TAFA1: variants seen among roughly 807,000 people sequenced by gnomAD.
The protein encoded by TAFA1 is TAFA chemokine like family member 1, also known as chemokine-like protein TAFA-1.
A neutral mutation model predicts 18.5 loss-of-function variants in TAFA1; 4 were observed. The ratio of observed to expected loss-of-function variants is 0.22; its 90% CI spans 0.11 to 0.49. The LOEUF is 0.49. TAFA1 is among the 20% of genes least tolerant of loss of function. TAFA1 has a pLI of 0.98. For missense variants in TAFA1, 147 were observed against 169.0 expected, an observed-to-expected ratio of 0.87 and a Z score of 0.72; for synonymous variants, 56 against 55.2, an observed-to-expected ratio of 1.01 and a Z score of -0.06.
At chr3:68,320,318 A>C (rs536093773) in intron 2 of TAFA1, among the ~76,000 whole-genome samples, 1 of 152,132 alleles carries the variant, frequency 6.6e-6, no homozygotes, top group Admixed American at 6.5e-5. Context: ...CTGAGTCTTC[A>C]TGCTTTCAGA....
intron 2 of TAFA1, among the ~76,000 whole-genome samples, chr3:68,067,992 G>T (rs1022756846): frequency 6.6e-6 from 1 of 152,114 alleles, no homozygotes; most frequent in African/African-American, 2.4e-5. Context: ...GTTACTGTCG[G>T]CCTCCATAAC....
At chr3:68,263,063 T>C (rs1279965434) in intron 2 of TAFA1, among the ~76,000 whole-genome samples, 1 of 152,192 alleles carries the variant, frequency 6.6e-6, no homozygotes, top group Non-Finnish European at 1.5e-5. Flanking sequence ...TACAGGTTTT[T>C]AGAGTATTAC....
At chr3:68,019,252 A>G (rs555150465) in intron 2 of TAFA1, among the ~76,000 whole-genome samples, 2 of 152,182 alleles carry the variant, frequency 1.3e-5, no homozygotes, top group Non-Finnish European at 2.9e-5. Flanking sequence ...TAATTTCCCT[A>G]TGCAAACAGG....
In TAFA1 at chr3:68,076,485, G is replaced by GT. The variant is rs2064826350; in HGVS notation, c.118+69742dup. Among the ~76,000 whole-genome samples, 5 of 109,782 alleles carry GT rather than the reference G, an allele frequency of 4.6e-5. 1 individual carries two copies. The South Asian group carries it at 1.5e-3, about 33-fold the overall frequency. 72.0% of individuals were successfully genotyped at this position (109,782 alleles called of 152,430 possible). A position where few individuals can be genotyped will look rare whatever the true frequency, so the allele number is the denominator to read the frequency against. On this transcript the variant is annotated intron_variant, in intron 2 of 4. Transcript: ENST00000478136. ...CCCCCACCCCCCACCAGTCCCCAGA[G>GT]TGTGATATTCCCCTTCCTGTGTCCA...
At chr3:68,334,054 T>C (rs1441416100) in intron 2 of TAFA1, among the ~76,000 whole-genome samples, 2 of 152,142 alleles carry the variant, frequency 1.3e-5, no homozygotes, top group African/African-American at 4.8e-5. Flanking sequence ...AGTTATAAGA[T>C]GAAAAAGTTC....
intron 2 of TAFA1, among the ~76,000 whole-genome samples, chr3:68,276,848 T>C (rs1399100454): frequency 6.6e-6 from 1 of 152,134 alleles, no homozygotes; most frequent in Non-Finnish European, 1.5e-5. Flanking sequence ...TTAAAATCTG[T>C]AGAATAACAC....
chr3:68,302,055 T>G (rs1403481373), intron 2 of TAFA1, among the ~76,000 whole-genome samples: 1 of 152,214 alleles, frequency 6.6e-6, no homozygotes, highest in African/African-American at 2.4e-5. Context: ...TTTGATAAAA[T>G]GATGAAATAT....
chr3:68,299,175 G>C (rs1371915206), intron 2 of TAFA1, among the ~76,000 whole-genome samples: 2 of 152,220 alleles, frequency 1.3e-5, no homozygotes, highest in African/African-American at 4.8e-5. Context: ...TTCCCACTCA[G>C]AGAATGCCTT....
At chr3:68,055,241 G>A (rs979011480) in intron 2 of TAFA1, among the ~76,000 whole-genome samples, 1 of 152,172 alleles carries the variant, frequency 6.6e-6, no homozygotes, top group Admixed American at 6.6e-5. Flanking sequence ...GGGCTGAGGA[G>A]CAGAGGAATT....
chr3:68,344,292 T>A (rs262214), intron 2 of TAFA1, among the ~76,000 whole-genome samples: 66,982 of 152,070 alleles, frequency 0.44, 15,079 homozygotes, highest in South Asian at 0.6. Flanking sequence ...AAATATTAAG[T>A]GTTTTGGGGG....
chr3:68,074,496 T>C (rs1197682779), intron 2 of TAFA1, among the ~76,000 whole-genome samples: 1 of 152,066 alleles, frequency 6.6e-6, no homozygotes, highest in Non-Finnish European at 1.5e-5. Flanking sequence ...CTTCTTGAAG[T>C]CTCAATTTCC....
intron 2 of TAFA1, among the ~76,000 whole-genome samples, chr3:68,081,983 C>A (rs529044897): frequency 6.6e-6 from 1 of 152,320 alleles, no homozygotes; most frequent in East Asian, 1.9e-4. Context: ...GGCGTAGGAC[C>A]CTCTGAGCCA....
At chr3:68,033,393 A>G (rs946829695) in intron 2 of TAFA1, among the ~76,000 whole-genome samples, 1 of 152,172 alleles carries the variant, frequency 6.6e-6, no homozygotes, top group Admixed American at 6.6e-5. Flanking sequence ...ATCCTTTAGG[A>G]GCATTGGATT....
At chr3:68,497,817 G>C (rs2072574657) in intron 3 of TAFA1, among the ~76,000 whole-genome samples, 1 of 152,148 alleles carries the variant, frequency 6.6e-6, no homozygotes, top group South Asian at 2.1e-4. Context: ...GTACAGCTTT[G>C]ACTGCTGTGC....
chr3:68,082,163 TGCTTCGGCTCGCGCATGGTGTGCG>T (rs2064911492), intron 2 of TAFA1, among the ~76,000 whole-genome samples: 1 of 143,466 alleles, frequency 7.0e-6, no homozygotes, highest in African/African-American at 3.0e-5. Context: ...TGCCTCACCC[TGCTTCGGCTCGCGCATGGTGTGCG>T]CACCCACTGA....
chr3:68,192,798 T>G (rs1026206562), intron 2 of TAFA1, among the ~76,000 whole-genome samples: 47 of 151,716 alleles, frequency 3.1e-4, no homozygotes, highest in African/African-American at 1.1e-3. Flanking sequence ...TTATCTAGTC[T>G]AAGGAAGTAA....
chr3:68,089,709 G>A (rs2065010319), intron 2 of TAFA1, among the ~76,000 whole-genome samples: 1 of 152,244 alleles, frequency 6.6e-6, no homozygotes, highest in East Asian at 1.9e-4. Context: ...AGATGGAAAT[G>A]TTAACTAGAA....
intron 2 of TAFA1, among the ~76,000 whole-genome samples, chr3:68,416,059 A>G (rs1204367302): frequency 6.6e-6 from 1 of 152,164 alleles, no homozygotes; most frequent in Non-Finnish European, 1.5e-5. Flanking sequence ...TGAAAGATGC[A>G]AGTAGCTGTG....
intron 2 of TAFA1, among the ~76,000 whole-genome samples, chr3:68,204,627 G>C (rs145822890): frequency 6.6e-6 from 1 of 151,748 alleles, no homozygotes; most frequent in African/African-American, 2.4e-5. Context: ...GAGTGAAAAT[G>C]GGGCTAATCC....
Sources: allele counts gnomAD v4.1 joint callset (sites outside exome capture counted in the v4.1 genomes callset), GRCh38; gene constraint gnomAD v4.1.1; transcripts MANE v1.5; gene names NCBI Gene and HGNC (gene_info 2026-07-23, HGNC 2026-07-21).